Variants in ABHD2 observed in about 807,000 individuals in gnomAD.
ABHD2 encodes abhydrolase domain containing 2, acylglycerol lipase, also known as monoacylglycerol lipase ABHD2.
In ABHD2, 20 loss-of-function variants were observed where a neutral mutation model predicts 48.1. The ratio of observed to expected loss-of-function variants is 0.42; its 90% CI spans 0.29 to 0.60. ABHD2 has a LOEUF of 0.60. ABHD2 is among the 20% of genes least tolerant of loss of function. ABHD2 has a pLI of 0.24. For missense variants in ABHD2, 405 were observed against 550.9 expected (o/e 0.74, Z 2.65); for synonymous variants, 209 against 214.2 (o/e 0.98, Z 0.21).
chr15:89,130,167 G>A (rs1008054408), intron 3 of ABHD2, among the ~76,000 whole-genome samples: 2 of 152,160 alleles, frequency 1.3e-5, no homozygotes, highest in Non-Finnish European at 2.9e-5. Context: ...CGTATTAGTC[G>A]AAGTAAACTA....
intron 3 of ABHD2, among the ~76,000 whole-genome samples, chr15:89,129,445 G>T (rs940763027): frequency 2.6e-5 from 4 of 152,188 alleles, no homozygotes; most frequent in African/African-American, 9.7e-5. Flanking sequence ...GTGTTTTCAG[G>T]AGTGAGGTGA....
the ABHD2 span, among the ~76,000 whole-genome samples, chr15:89,052,814 C>T: frequency 5.3e-5 from 8 of 152,154 alleles, no homozygotes; most frequent in African/African-American, 1.7e-4. Context: ...CCTCTCCCTC[C>T]TCATGGCGCC....
chr15:89,057,926 C>T, the ABHD2 span, among the ~76,000 whole-genome samples: 458 of 152,292 alleles, frequency 3.0e-3, 2 homozygotes, highest in African/African-American at 0.011. Context: ...TCTTCGCCCT[C>T]TACCCAGTCC....
chr15:89,152,997 A>G (rs989735389), intron 4 of ABHD2, among the ~76,000 whole-genome samples: 4 of 152,134 alleles, frequency 2.6e-5, no homozygotes, highest in African/African-American at 4.8e-5. Context: ...TCCAGTAAAC[A>G]TATTAGGTAT....
At chr15:89,047,789 G>A in the ABHD2 span, among the ~76,000 whole-genome samples, 18 of 147,722 alleles carry the variant, frequency 1.2e-4, no homozygotes, top group African/African-American at 4.6e-4. Flanking sequence ...GCCTATGTGT[G>A]TCTCTGCATG....
At chr15:89,045,810 G>T in the ABHD2 span, among the ~76,000 whole-genome samples, 6 of 152,190 alleles carry the variant, frequency 3.9e-5, no homozygotes, top group Non-Finnish European at 1.5e-5. Context: ...AGACAATGGG[G>T]TTTTCTAGAT....
the ABHD2 span, among the ~76,000 whole-genome samples, chr15:89,042,990 C>G: frequency 4.6e-5 from 7 of 152,066 alleles, no homozygotes; most frequent in Non-Finnish European, 1.0e-4. Context: ...CTTAATTTGC[C>G]CAGCACCATT....
At chr15:89,157,021 A>G (rs1428637570) in intron 5 of ABHD2, among the ~76,000 whole-genome samples, 1 of 152,190 alleles carries the variant, frequency 6.6e-6, no homozygotes, top group Non-Finnish European at 1.5e-5. Context: ...CAGTCATAGC[A>G]TGTATATCTA....
intron 1 of ABHD2, among the ~76,000 whole-genome samples, chr15:89,107,281 A>G (rs145020312): frequency 1.1e-4 from 17 of 152,300 alleles, no homozygotes; most frequent in African/African-American, 4.1e-4. Flanking sequence ...TGATTTATTA[A>G]GTCTAACATG....
At chr15:89,171,669 C>A (rs2050930365) in intron 5 of ABHD2, among the ~76,000 whole-genome samples, 1 of 152,146 alleles carries the variant, frequency 6.6e-6, no homozygotes, top group African/African-American at 2.4e-5. Context: ...GCAGCGCCCC[C>A]ATCTGTGAAG....
chr15:89,122,535 T>C (rs1012374634), intron 3 of ABHD2, among the ~76,000 whole-genome samples: 1 of 152,262 alleles, frequency 6.6e-6, no homozygotes, highest in Admixed American at 6.5e-5. Context: ...CCTTCAGCTC[T>C]GACAGAGCTT....
chr15:89,084,088 T>G (rs1240369780), upstream of ABHD2, among the ~76,000 whole-genome samples: 5 of 151,954 alleles, frequency 3.3e-5, no homozygotes, highest in African/African-American at 1.2e-4. This position sits in a 1 kb window ranked among gnomAD's most constrained non-coding sequence, Gnocchi z 4.4. Context: ...TCCATTTCCC[T>G]CACAGTGATT....
chr15:89,175,080 A>G lies in ABHD2; in HGVS notation c.539-732A>G, dbSNP rs1242206284. On this transcript the variant is annotated intron_variant, in intron 5 of 10. Coordinates refer to ENST00000352732, the MANE Select transcript of ABHD2 (RefSeq NM_152924.5). This position sits in a 1 kb window ranked among gnomAD's most constrained non-coding sequence, Gnocchi z 5.7. ...AAGTTTATCTTTCCTCTCCTTTCCA[A>G]CTCTGTCAAGAAGATTCTGTAAATA... Among the ~76,000 whole-genome samples, 4 of 151,760 alleles carry G rather than the reference A, an allele frequency of 2.6e-5. No individual in the cohort carries two copies. The highest frequency in any genetic ancestry group is 4.8e-5 in the African/African-American group (2 of 41,286).
At chr15:89,057,337 G>A in the ABHD2 span, among the ~76,000 whole-genome samples, 1 of 152,294 alleles carries the variant, frequency 6.6e-6, no homozygotes, top group African/African-American at 2.4e-5. Context: ...GCTGCTCATA[G>A]CTAATTCCCT....
rs2050207398 is a variant in ABHD2 at position 89,130,828 on chromosome 15, T to G, written c.194+14307T>G. Reference sequence around the variant, plus strand: ...TTTATGTGTGGCCCAAGACAATTCTTCCAAAGTGGCCCAGGGAAGCCAAAA... The same window carrying G: ...TTTATGTGTGGCCCAAGACAATTCTGCCAAAGTGGCCCAGGGAAGCCAAAA... On this transcript the variant is annotated intron_variant, in intron 3 of 10. Coordinates refer to ENST00000352732, the MANE Select transcript of ABHD2 (RefSeq NM_152924.5). Among the ~76,000 whole-genome samples the G allele has an allele frequency of 2.6e-5, 4 of 152,194 alleles. No homozygotes were observed. The South Asian group carries it at 8.3e-4, about 32-fold the overall frequency.
chr15:89,073,446 C>T, the ABHD2 span, among the ~76,000 whole-genome samples: 1 of 152,128 alleles, frequency 6.6e-6, no homozygotes, highest in Non-Finnish European at 1.5e-5. Flanking sequence ...CAGGTGCCCA[C>T]GACCATGCCT....
chr15:89,113,478 A>C (rs755275026), intron 1 of ABHD2, among the ~76,000 whole-genome samples: 1 of 152,210 alleles, frequency 6.6e-6, no homozygotes, highest in East Asian at 1.9e-4. Context: ...TTTAGCCAGA[A>C]TTAGGAACAC....
At chr15:89,053,883 C>A in the ABHD2 span, among the ~76,000 whole-genome samples, 4 of 152,212 alleles carry the variant, frequency 2.6e-5, no homozygotes, top group East Asian at 5.8e-4. Context: ...AGGTGCCAGC[C>A]TCCCGGACGC....
chr15:89,090,837 AT>A (rs1433470377), intron 1 of ABHD2, among the ~76,000 whole-genome samples: 1 of 152,086 alleles, frequency 6.6e-6, no homozygotes, highest in Non-Finnish European at 1.5e-5. Context: ...TTAGATTAAG[AT>A]TTTATGAGCC....
Sources: allele counts gnomAD v4.1 joint callset (sites outside exome capture counted in the v4.1 genomes callset), GRCh38; gene constraint gnomAD v4.1.1; non-coding constraint Gnocchi (gnomAD v3.1); transcripts MANE v1.5; gene names NCBI Gene and HGNC (gene_info 2026-07-23, HGNC 2026-07-21).